The following SPOCK2 variants were observed in gnomAD, a reference collection of about 807,000 sequenced individuals.
The protein encoded by SPOCK2 is SPARC (osteonectin), cwcv and kazal like domains proteoglycan 2, also known as testican-2.
A neutral mutation model predicts 60.1 loss-of-function variants in SPOCK2; 39 were observed. The observed-to-expected ratio is 0.65, with a 90% CI of 0.50 to 0.85. The LOEUF is 0.85. Ranked by LOEUF, SPOCK2 falls within the 40% of genes least tolerant of loss-of-function variation. The probability of loss-of-function intolerance (pLI) is 0.00; values close to 1 mark genes in which losing one functional copy is unlikely to be tolerated. For synonymous variants in SPOCK2, 217 were observed against 231.5 expected (o/e 0.94, Z 0.57); for missense variants, 523 against 567.4 (o/e 0.92, Z 0.80).
At chr10:72,068,653 C>G (rs1225834119) in intron 5 of SPOCK2, 2 of 277,342 alleles carry the variant, frequency 7.2e-6, no homozygotes, top group South Asian at 5.9e-5. Context: ...CTGTTGCCCC[C>G]CTGGCTCTCA....
intron 9 of SPOCK2, 90 bp from the exon 10 acceptor site, chr10:72,063,252 G>T: frequency 6.6e-7 from 1 of 1,516,174 alleles, no homozygotes; most frequent in South Asian, 1.3e-5. Flanking sequence ...TGCATGAGCA[G>T]AAGTCTATAC....
Position 72,077,563 on chromosome 10 carries a change from T to C in SPOCK2, c.190-4653A>G, listed in dbSNP as rs571639818. Reference sequence around the variant, plus strand: ...AGCTTAGAGACCACTGGGCCAGCCATCAGGCCTCAGGTCCCTCCCGCTCTG... The same window carrying C: ...AGCTTAGAGACCACTGGGCCAGCCACCAGGCCTCAGGTCCCTCCCGCTCTG... On this transcript the variant is annotated intron_variant, in intron 1 of 10. Transcript: ENST00000373109. 2.6e-5 allele frequency among the ~76,000 whole-genome samples: 4 copies of C among 152,324 alleles called. No homozygotes were observed. The South Asian group carries it at 6.2e-4, about 24-fold the overall frequency.
intron 1 of SPOCK2, among the ~76,000 whole-genome samples, chr10:72,080,607 T>G (rs1219071993): frequency 3.8e-5 from 5 of 130,568 alleles, no homozygotes; most frequent in South Asian, 2.5e-4. Context: ...TGTGAGGGGG[T>G]GGGGGTGGCT....
Position 72,068,204 on chromosome 10 carries a change from G to A in SPOCK2, c.572C>T (p.Thr191Ile). The A allele has an allele frequency of 6.2e-7, 1 of 1,607,436 alleles. No homozygotes were observed. Among genetic ancestry groups the A allele is most frequent in the South Asian group, 1.1e-5 (1 of 90,216 alleles). Reference protein sequence around the residue: ...PCPTEQAATSTADGKPETCTG... With the variant: ...PCPTEQAATSIADGKPETCTG... ...GTCCTCACCTGGTTTGCCATCGGCGGTGGAGGTGGCAGCCTGCTCCGTGGG... is the reference window on the plus strand; with the variant it reads ...GTCCTCACCTGGTTTGCCATCGGCGATGGAGGTGGCAGCCTGCTCCGTGGG... The change falls in exon 6 of 11, where the codon ACC becomes ATC. Residue 191 changes from threonine to isoleucine, a missense_variant. Coordinates refer to ENST00000373109, the MANE Select transcript of SPOCK2 (RefSeq NM_001244950.2).
intron 1 of SPOCK2, among the ~76,000 whole-genome samples, chr10:72,081,872 G>A (rs761177825): frequency 1.3e-5 from 2 of 152,150 alleles, no homozygotes; most frequent in Admixed American, 6.5e-5. Flanking sequence ...ACTTGGAGAG[G>A]GGAGGGAGGG....
intron 1 of SPOCK2, among the ~76,000 whole-genome samples, chr10:72,083,959 A>G (rs1228814611): frequency 1.3e-5 from 2 of 152,074 alleles, no homozygotes; most frequent in African/African-American, 4.8e-5. Context: ...GTGGGGTGGG[A>G]AGCAGGGAGG....
rs942311291 is a variant in SPOCK2 at position 72,072,272 on chromosome 10, G to A, written c.245-14C>T. ...TGGTATCCAGGGCTGCAGGGGCACA[G>A]AGTCAGGACACAGGTCACCTGGGAG... On this transcript the variant is annotated splice_polypyrimidine_tract_variant and intron_variant, in intron 3 of 10. Transcript: ENST00000373109. 1.3e-6 allele frequency: 2 copies of A among 1,510,336 alleles called. No homozygotes were observed. Among genetic ancestry groups the A allele is most frequent in the Non-Finnish European group, 8.8e-7 (1 of 1,131,004 alleles). The allele number at this position is 1,510,336 out of a possible 1,614,324, so 93.6% of individuals were successfully genotyped here.
intron 8 of SPOCK2, among the ~76,000 whole-genome samples, chr10:72,066,615 C>A (rs1326372064): frequency 6.6e-6 from 1 of 150,520 alleles, no homozygotes; most frequent in Non-Finnish European, 1.5e-5. Context: ...GCTGGGATTT[C>A]TTTTTTAACT....
chr10:72,078,035 T>C (rs1195268965), intron 1 of SPOCK2, among the ~76,000 whole-genome samples: 2 of 152,236 alleles, frequency 1.3e-5, no homozygotes, highest in Non-Finnish European at 2.9e-5. Context: ...GATCTCATTT[T>C]GGGGAAAAAG....
Position 72,067,112 on chromosome 10 carries a change from T to G in SPOCK2, c.718A>C (p.Lys240Gln), listed in dbSNP as rs764159280. ...TCCTTGCAGCTGGCCCCCAGGCTCTTGTCCAGCCCTGGGAAAAGATCAGGT... is the reference window on the plus strand; with the variant it reads ...TCCTTGCAGCTGGCCCCCAGGCTCTGGTCCAGCCCTGGGAAAAGATCAGGT... ...SVAGPASGLD[K>Q]SLGASCKDSI... Residue 240 changes from lysine to glutamine, a missense_variant, in exon 8 of 11, where the codon AAG becomes CAG. Physicochemically the swap from Lys to Gln is moderately conservative, Grantham distance 53 (BLOSUM62 1). Coordinates refer to ENST00000373109, the MANE Select transcript of SPOCK2 (RefSeq NM_001244950.2). The G allele has an allele frequency of 8.7e-6, 14 of 1,613,572 alleles. No individual in the cohort carries two copies. The highest frequency in any genetic ancestry group is 1.2e-5 in the Non-Finnish European group (14 of 1,179,838).
rs1056990464 is a variant in SPOCK2, at chr10:72,078,317, C to T, written c.190-5407G>A. ...GATCACGAGGTCAGGAGATCGAGCA[C>T]CCTGGATAACACGGTAAAACCCCAT... is the stretch of plus-strand genomic sequence containing the variant. On this transcript the variant is annotated intron_variant, in intron 1 of 10. Transcript: ENST00000373109. 5.9e-4 allele frequency among the ~76,000 whole-genome samples: 90 copies of T among 152,060 alleles called. 1 individual carries two copies. The highest frequency in any genetic ancestry group is 1.8e-3 in the African/African-American group (75 of 41,500).
chr10:72,074,856 T>C (rs1840694473), intron 1 of SPOCK2, among the ~76,000 whole-genome samples: 1 of 152,184 alleles, frequency 6.6e-6, no homozygotes, highest in Non-Finnish European at 1.5e-5. Flanking sequence ...ATTGAGCCTC[T>C]TCCTCATCCC....
intron 1 of SPOCK2, among the ~76,000 whole-genome samples, chr10:72,079,973 C>A (rs1159559837): frequency 6.6e-6 from 1 of 152,082 alleles, no homozygotes; most frequent in East Asian, 1.9e-4. Flanking sequence ...CAGAAGAACC[C>A]AGGCAATCAT....
rs1466113477 is a variant in SPOCK2, at chr10:72,061,047, CA to C, written c.*1712del. On this transcript the variant is annotated 3_prime_UTR_variant, in exon 11 of 11. Coordinates refer to ENST00000373109, the MANE Select transcript of SPOCK2 (RefSeq NM_001244950.2). ...CCAGGATGGCCCCCAGGTTCACACACAGGCACACGCACACACGCTGCACTCA... is the reference window on the plus strand; with the variant it reads ...CCAGGATGGCCCCCAGGTTCACACACGGCACACGCACACACGCTGCACTCA... The C allele has an allele frequency of 6.5e-6, 1 of 153,190 alleles. No individual in the cohort carries two copies. Among genetic ancestry groups the C allele is most frequent in the African/African-American group, 2.4e-5 (1 of 41,454 alleles). 9.5% of individuals were successfully genotyped at this position (153,190 alleles called of 1,614,324 possible). A position where few individuals can be genotyped will look rare whatever the true frequency, so the allele number is the denominator to read the frequency against.
intron 1 of SPOCK2, among the ~76,000 whole-genome samples, chr10:72,085,481 T>A (rs2131824851): frequency 6.6e-6 from 1 of 152,326 alleles, no homozygotes; most frequent in East Asian, 1.9e-4. Flanking sequence ...AATTCCAAAG[T>A]GGAGCAACTC....
At chr10:72,065,399 A>G (rs1475816550) in intron 8 of SPOCK2, among the ~76,000 whole-genome samples, 1 of 152,256 alleles carries the variant, frequency 6.6e-6, no homozygotes, top group African/African-American at 2.4e-5. Context: ...TGCAGTATTC[A>G]GCACATAACA....
intron 3 of SPOCK2, 113 bp from the exon 4 acceptor site, chr10:72,072,371 C>A: frequency 1.3e-6 from 2 of 1,485,406 alleles, no homozygotes; most frequent in Non-Finnish European, 1.8e-6. Flanking sequence ...ACCAGAGCTC[C>A]TGAGCTCAGG....
chr10:72,060,763 C>T lies in SPOCK2; in HGVS notation c.*1997G>A, dbSNP rs745453385. 15 of 152,626 alleles carry T rather than the reference C, an allele frequency of 9.8e-5. No individual in the cohort carries two copies. Among genetic ancestry groups the T allele is most frequent in the Non-Finnish European group, 2.1e-4 (14 of 68,118 alleles). 9.5% of individuals were successfully genotyped at this position (152,626 alleles called of 1,614,324 possible). ...CGACACCTCAACAATCAGAACTGGG[C>T]TGCGGAATGGGAAGCAGTTTATGGA... On this transcript the variant is annotated 3_prime_UTR_variant, in exon 11 of 11. Coordinates refer to ENST00000373109, the MANE Select transcript of SPOCK2 (RefSeq NM_001244950.2).
chr10:72,072,091 C>G, intron 4 of SPOCK2, 53 bp downstream of exon 4: 1 of 1,394,504 alleles, frequency 7.2e-7, no homozygotes, highest in Non-Finnish European at 9.5e-7. Context: ...CAGTTGAGCC[C>G]TTGCTCTTTG....
Sources: allele counts gnomAD v4.1 joint callset (sites outside exome capture counted in the v4.1 genomes callset), GRCh38; gene constraint gnomAD v4.1.1; transcripts MANE v1.5; gene names NCBI Gene and HGNC (gene_info 2026-07-23, HGNC 2026-07-21).